MFAP3L: variants seen among roughly 807,000 people sequenced by gnomAD.
MFAP3L encodes microfibrillar-associated protein 3-like.
MFAP3L carries 5 observed loss-of-function variants against 20.0 expected under a neutral mutation model. The ratio of observed to expected loss-of-function variants is 0.25; its 90% CI spans 0.13 to 0.53. MFAP3L has a LOEUF of 0.53. Ranked by LOEUF, MFAP3L falls within the 20% of genes least tolerant of loss-of-function variation. The probability of loss-of-function intolerance (pLI) is 0.96; values close to 1 mark genes in which losing one functional copy is unlikely to be tolerated. For missense variants in MFAP3L, 409 were observed against 527.5 expected (o/e 0.78, Z 2.20); for synonymous variants, 219 against 213.0 (o/e 1.03, Z -0.25).
chr4:170,025,969 T>A (rs79400258), intron 1 of MFAP3L, among the ~76,000 whole-genome samples: 11,079 of 151,910 alleles, frequency 0.073, 473 homozygotes, highest in African/African-American at 0.13. Context: ...CTCCTCGCCC[T>A]CGGAAGGTTA....
At chr4:170,013,241 C>T (rs1428019927) in intron 1 of MFAP3L, among the ~76,000 whole-genome samples, 1 of 152,126 alleles carries the variant, frequency 6.6e-6, no homozygotes, top group Non-Finnish European at 1.5e-5. Flanking sequence ...TAAAAAATCA[C>T]TCTAATATGG....
intron 2 of MFAP3L, among the ~76,000 whole-genome samples, chr4:170,002,958 C>T (rs1738770787): frequency 6.6e-6 from 1 of 151,988 alleles, no homozygotes; most frequent in African/African-American, 2.4e-5. Context: ...TTTCCCCCTT[C>T]AAAAATGAAA....
intron 2 of MFAP3L, chr4:169,997,648 G>T: frequency 1.1e-6 from 1 of 914,068 alleles, no homozygotes; most frequent in Non-Finnish European, 1.3e-6. Context: ...ATAAAGGGGA[G>T]TCGCTAGTGA....
chr4:169,991,775 TGGCCCTCTGGA>T lies in MFAP3L; in HGVS notation c.822_832del (p.Pro275GlyfsTer7). 1 of 1,614,018 alleles carries T rather than the reference TGGCCCTCTGGA, an allele frequency of 6.2e-7. No homozygotes were observed. The highest frequency in any genetic ancestry group is 8.5e-7 in the Non-Finnish European group (1 of 1,179,988). On this transcript the variant is annotated frameshift_variant, in exon 3 of 3. Transcript: ENST00000361618. LOFTEE classifies it high-confidence loss of function. This position sits in a 1 kb window ranked among gnomAD's most constrained non-coding sequence, Gnocchi z 4.9. ...GACCTCATCCCTGTCTGCGGCCTCC[TGGCCCTCTGGA>T]GTATGCCTCACAAAATTCTGCCCCT...
chr4:170,018,785 G>GACA (rs1185243033), intron 1 of MFAP3L, among the ~76,000 whole-genome samples: 8 of 152,078 alleles, frequency 5.3e-5, no homozygotes, highest in Admixed American at 2.6e-4. Context: ...AAAACAAAAC[G>GACA]ACAACAACAA....
At chr4:170,019,273 T>C (rs546626705) in intron 1 of MFAP3L, among the ~76,000 whole-genome samples, 1 of 152,306 alleles carries the variant, frequency 6.6e-6, no homozygotes, top group South Asian at 2.1e-4. Flanking sequence ...TACAGCCTGG[T>C]GCAATGGCTC....
chr4:169,992,229 C>T lies in MFAP3L; in HGVS notation c.379G>A (p.Ala127Thr). The change falls in exon 3 of 3, where the codon GCT becomes ACT. Residue 127 changes from alanine to threonine, a missense_variant. Physicochemically the swap from Ala to Thr is moderately conservative, Grantham distance 58. Coordinates refer to ENST00000361618, the MANE Select transcript of MFAP3L (RefSeq NM_021647.8). The surrounding 1 kb of genome is among the most constrained non-coding windows in gnomAD (Gnocchi z 4.3). ...TTCACGGTGCCGTAGATGTTAGAAG[C>T]CACACACGTGTATTTACCTCGGTCT... is the stretch of plus-strand genomic sequence containing the variant. ...FSDRGKYTCVASNIYGTVNNT... is the reference protein window; with the variant it reads ...FSDRGKYTCVTSNIYGTVNNT... The T allele has an allele frequency of 1.2e-6, 2 of 1,614,100 alleles. No individual in the cohort carries two copies. Among genetic ancestry groups the T allele is most frequent in the Non-Finnish European group, 1.7e-6 (2 of 1,180,018 alleles).
chr4:169,991,699 C>T lies in MFAP3L; in HGVS notation c.909G>A (p.Ser303=), dbSNP rs747407467. 1.4e-5 allele frequency: 22 copies of T among 1,613,990 alleles called. No homozygotes were observed. The African/African-American group carries it at 1.6e-4, about 12-fold the overall frequency. Residue 303 remains serine (S), a synonymous_variant, in exon 3 of 3, where the codon TCG becomes TCA. Transcript: ENST00000361618. The surrounding 1 kb of genome is among the most constrained non-coding windows in gnomAD (Gnocchi z 4.9). ...GTTGCTCGTGCAGCGATGAGGCGTC[C>T]GAGTCAGCGGCAGGGGAGTCGCTCC... is the stretch of plus-strand genomic sequence containing the variant. ...LKRSDSPAAD[S]DASSLHEQPQ... is the part of the protein sequence containing the mutation.
At chr4:170,016,552 T>C (rs1739712927) in intron 1 of MFAP3L, among the ~76,000 whole-genome samples, 13 of 152,184 alleles carry the variant, frequency 8.5e-5, no homozygotes, top group Admixed American at 8.5e-4. Flanking sequence ...CATTAACTAC[T>C]ACGTGTTTAC....
chr4:170,002,555 G>A (rs989908567), intron 2 of MFAP3L, among the ~76,000 whole-genome samples: 1 of 151,740 alleles, frequency 6.6e-6, no homozygotes, highest in Non-Finnish European at 1.5e-5. Context: ...CTGTCACCAG[G>A]CTCGAGTGCA....
At chr4:170,025,788 G>A (rs1740317702) in intron 1 of MFAP3L, among the ~76,000 whole-genome samples, 1 of 152,132 alleles carries the variant, frequency 6.6e-6, no homozygotes, top group South Asian at 2.1e-4. Flanking sequence ...CGCGGAACCC[G>A]CATTCACGTT....
chr4:170,025,916 C>T (rs1338671771), intron 1 of MFAP3L, among the ~76,000 whole-genome samples: 1 of 152,194 alleles, frequency 6.6e-6, no homozygotes, highest in African/African-American at 2.4e-5. Context: ...CCTTCCCCCA[C>T]GACACCTAGG....
At chr4:170,010,594 C>T (rs554526575) in intron 1 of MFAP3L, among the ~76,000 whole-genome samples, 10 of 152,274 alleles carry the variant, frequency 6.6e-5, no homozygotes, top group Admixed American at 3.3e-4. Flanking sequence ...CCTTAGTGAA[C>T]GGCAAATATA....
intron 1 of MFAP3L, among the ~76,000 whole-genome samples, chr4:170,006,276 C>T (rs1739030016): frequency 6.6e-6 from 1 of 152,016 alleles, no homozygotes; most frequent in South Asian, 2.1e-4. Context: ...ACATGTCTGG[C>T]TAATTTTTGT....
Position 169,986,868 on chromosome 4 carries a change from A to AT in MFAP3L, c.*4509dup, listed in dbSNP as rs1737313583. 6.6e-6 allele frequency: 1 copy of AT among 152,198 alleles called. No homozygotes were observed. The highest frequency in any genetic ancestry group is 6.5e-5 in the Admixed American group (1 of 15,274). 9.4% of individuals were successfully genotyped at this position (152,198 alleles called of 1,614,324 possible). ...AGTGCAAGCATCTTCCTTGATTCTC[A>AT]TTGTTAGCAGCTCTATGGTGTCTGA... On this transcript the variant is annotated 3_prime_UTR_variant, in exon 3 of 3. Transcript: ENST00000361618.
At chr4:170,026,068 C>T (rs115837497) in intron 1 of MFAP3L, among the ~76,000 whole-genome samples, 166 bp downstream of exon 1, 1,703 of 152,230 alleles carry the variant, frequency 0.011, 32 homozygotes, top group African/African-American at 0.039. Flanking sequence ...CTGGAGCCCG[C>T]TGCCCGGACC....
chr4:170,011,789 C>A (rs574589133), intron 1 of MFAP3L, among the ~76,000 whole-genome samples: 1 of 151,956 alleles, frequency 6.6e-6, no homozygotes, highest in African/African-American at 2.4e-5. Context: ...CACTGGGGCA[C>A]CAGACAAGAG....
intron 2 of MFAP3L, among the ~76,000 whole-genome samples, chr4:169,995,864 C>A (rs540110567): frequency 2.5e-4 from 38 of 152,288 alleles, no homozygotes; most frequent in African/African-American, 9.1e-4. Flanking sequence ...GATGCCAGGT[C>A]AGTTCTACAT....
chr4:169,992,112 C>T lies in MFAP3L; in HGVS notation c.496G>A (p.Val166Ile). The change falls in exon 3 of 3, where the codon GTC (valine) becomes ATC (isoleucine). Residue 166 changes from valine (V) to isoleucine (I), a missense_variant. Transcript: ENST00000361618. This position sits in a 1 kb window ranked among gnomAD's most constrained non-coding sequence, Gnocchi z 4.3. ...ATGCACAGGCGGGTGATATTGAGGA[C>T]CATGACGATGGTGAAGGCCACCAGG... is the stretch of plus-strand genomic sequence containing the variant. ...VCLVAFTIVM[V>I]LNITRLCMMS... 6.2e-7 allele frequency: 1 copy of T among 1,614,126 alleles called. No homozygotes were observed. Among genetic ancestry groups the T allele is most frequent in the South Asian group, 1.1e-5 (1 of 91,080 alleles).
Sources: gnomAD v4.1 joint callset for allele counts (sites outside exome capture counted in the v4.1 genomes callset) on GRCh38, gnomAD v4.1.1 for gene constraint, Gnocchi (gnomAD v3.1) non-coding constraint, MANE v1.5 for transcripts, NCBI Gene and HGNC (gene_info 2026-07-23, HGNC 2026-07-21) for gene names.